Variants in CSMD1 observed in about 807,000 individuals in gnomAD.
CSMD1 encodes CUB and sushi domain-containing protein 1.
CSMD1 carries 213 observed loss-of-function variants against 417.5 expected under a neutral mutation model. The ratio of observed to expected loss-of-function variants is 0.51; its 90% CI spans 0.46 to 0.57. CSMD1 has a LOEUF of 0.57. Ranked by LOEUF, CSMD1 falls within the 20% of genes least tolerant of loss-of-function variation. CSMD1 has a pLI of 0.00. For synonymous variants in CSMD1, 2,862 were observed against 1,736.8 expected, an observed-to-expected ratio of 1.65 and a Z score of -16.11; for missense variants, 6,923 against 4,529.7, an observed-to-expected ratio of 1.53 and a Z score of -15.17.
At chr8:4,149,837 T>G (rs886226383) in intron 3 of CSMD1, among the ~76,000 whole-genome samples, 2 of 152,214 alleles carry the variant, frequency 1.3e-5, no homozygotes, top group African/African-American at 4.8e-5. Context: ...ATTGGTTCAT[T>G]CTCTTTATAA....
intron 8 of CSMD1, among the ~76,000 whole-genome samples, chr8:3,613,072 A>G (rs1029198317): frequency 6.6e-6 from 1 of 152,072 alleles, no homozygotes; most frequent in Non-Finnish European, 1.5e-5. Context: ...AAATATGAAT[A>G]TCAAGAATTT....
intron 17 of CSMD1, among the ~76,000 whole-genome samples, chr8:3,393,818 A>G (rs1219581519): frequency 6.6e-6 from 1 of 151,216 alleles, no homozygotes; most frequent in Admixed American, 6.6e-5. Context: ...GAAGGGGAAC[A>G]TCACACTCTG....
At chr8:3,445,271 A>T (rs1815227524) in intron 12 of CSMD1, among the ~76,000 whole-genome samples, 1 of 152,190 alleles carries the variant, frequency 6.6e-6, no homozygotes, top group East Asian at 1.9e-4. Flanking sequence ...GTGGAAGAAG[A>T]AGTTATAATT....
At chr8:4,168,066 T>C (rs1002578604) in intron 3 of CSMD1, among the ~76,000 whole-genome samples, 3 of 151,088 alleles carry the variant, frequency 2.0e-5, no homozygotes, top group Non-Finnish European at 4.4e-5. Flanking sequence ...GAGGCAGAAG[T>C]TGTAGGGAGC....
At chr8:3,883,397 G>T (rs76615335) in intron 5 of CSMD1, among the ~76,000 whole-genome samples, 3 of 151,866 alleles carry the variant, frequency 2.0e-5, no homozygotes. Flanking sequence ...TTTTAAACTG[G>T]GTGTATGTGT....
intron 5 of CSMD1, among the ~76,000 whole-genome samples, chr8:3,951,443 G>A (rs1011378481): frequency 6.6e-6 from 1 of 152,218 alleles, no homozygotes; most frequent in Non-Finnish European, 1.5e-5. Flanking sequence ...TTAGTGGGAT[G>A]TAGAGTGCTG....
intron 10 of CSMD1, among the ~76,000 whole-genome samples, chr8:3,499,493 G>T (rs1035621134): frequency 2.0e-5 from 3 of 152,144 alleles, no homozygotes; most frequent in Admixed American, 1.3e-4. Flanking sequence ...CAACTCCACT[G>T]CTTGGAGTGG....
intron 12 of CSMD1, among the ~76,000 whole-genome samples, chr8:3,434,806 G>A (rs150622845): frequency 3.3e-5 from 5 of 152,176 alleles, no homozygotes; most frequent in Admixed American, 6.5e-5. Flanking sequence ...TACACTTCTC[G>A]CCTATATTTC....
intron 12 of CSMD1, among the ~76,000 whole-genome samples, chr8:3,462,340 G>T (rs1038703934): frequency 1.3e-5 from 2 of 152,126 alleles, no homozygotes; most frequent in African/African-American, 2.4e-5. Context: ...CAACCCCCAG[G>T]CCAGGGACCA....
intron 25 of CSMD1, among the ~76,000 whole-genome samples, chr8:3,297,797 G>C (rs1402190016): frequency 2.0e-5 from 3 of 152,058 alleles, no homozygotes; most frequent in African/African-American, 7.2e-5. Flanking sequence ...CAAAGTTTGT[G>C]GCATAGCATA....
At chr8:2,939,170 A>C (rs1219517666) in intron 69 of CSMD1, among the ~76,000 whole-genome samples, 4 of 152,078 alleles carry the variant, frequency 2.6e-5, no homozygotes, top group Non-Finnish European at 5.9e-5. Context: ...GCTGAATCGG[A>C]TTGGTTTTGT....
intron 3 of CSMD1, among the ~76,000 whole-genome samples, chr8:4,268,869 C>T (rs73500627): frequency 0.011 from 1,738 of 152,254 alleles, 30 homozygotes; most frequent in African/African-American, 0.038. Flanking sequence ...AAATCCCTTT[C>T]CACATAGAAT....
At chr8:3,718,996 G>A (rs554803434) in intron 6 of CSMD1, among the ~76,000 whole-genome samples, 1 of 152,226 alleles carries the variant, frequency 6.6e-6, no homozygotes, top group East Asian at 1.9e-4. Context: ...GGCAGAACAA[G>A]GGGTGAGACA....
intron 2 of CSMD1, among the ~76,000 whole-genome samples, chr8:4,457,933 T>C (rs1194823557): frequency 6.6e-6 from 1 of 152,152 alleles, no homozygotes; most frequent in Admixed American, 6.5e-5. Context: ...GCAGAGTCTA[T>C]GTATGTCAAC....
At chr8:4,962,201 A>C (rs1268808809) in intron 1 of CSMD1, among the ~76,000 whole-genome samples, 1 of 141,904 alleles carries the variant, frequency 7.0e-6, no homozygotes, top group Non-Finnish European at 1.5e-5. Flanking sequence ...TTTTTTTAAA[A>C]AAAAAAGAAA....
At chr8:3,927,525 C>T (rs1244020357) in intron 5 of CSMD1, among the ~76,000 whole-genome samples, 1 of 150,004 alleles carries the variant, frequency 6.7e-6, no homozygotes, top group African/African-American at 2.4e-5. Flanking sequence ...ATTAGCCAGC[C>T]GTGGTGGTGC....
In CSMD1 at chr8:3,140,183, C is replaced by T. The variant is rs541818099; in HGVS notation, c.6241+2282G>A. Among the ~76,000 whole-genome samples, 163 of 152,230 alleles carry T rather than the reference C, an allele frequency of 1.1e-3. 4 individuals carry two copies. The South Asian group carries it at 0.024, about 22-fold the overall frequency. The stretch of plus-strand genomic sequence containing the variant: ...CATCCCAAACTGCTGGGATTACAGG[C>T]GTGAGGCCACCACACCCAGCCCCGA... On this transcript the variant is annotated intron_variant, in intron 41 of 69. Coordinates refer to ENST00000635120, the MANE Select transcript of CSMD1 (RefSeq NM_033225.6).
At chr8:3,549,017 T>G (rs1006640530) in intron 10 of CSMD1, among the ~76,000 whole-genome samples, 1 of 152,136 alleles carries the variant, frequency 6.6e-6, no homozygotes, top group Non-Finnish European at 1.5e-5. Context: ...CCTCTAGCCT[T>G]GTTTCAAGGA....
intron 10 of CSMD1, among the ~76,000 whole-genome samples, chr8:3,539,032 C>T (rs577430817): frequency 6.6e-6 from 1 of 152,192 alleles, no homozygotes; most frequent in African/African-American, 2.4e-5. Flanking sequence ...TTAGGACAGC[C>T]TGAAACACCC....
Sources: gnomAD v4.1 joint callset for allele counts (sites outside exome capture counted in the v4.1 genomes callset) on GRCh38, gnomAD v4.1.1 for gene constraint, MANE v1.5 for transcripts, NCBI Gene and HGNC (gene_info 2026-07-23, HGNC 2026-07-21) for gene names.